The following PSTPIP2 variants were observed in gnomAD, a reference collection of about 807,000 sequenced individuals.
The protein encoded by PSTPIP2 is proline-serine-threonine phosphatase interacting protein 2, also known as proline-serine-threonine phosphatase-interacting protein 2.
In PSTPIP2, 33 loss-of-function variants were observed where a neutral mutation model predicts 63.3. That is an observed-to-expected ratio of 0.52 (90% CI 0.40 to 0.70). PSTPIP2 has a LOEUF of 0.70. Ranked by LOEUF, PSTPIP2 falls within the 30% of genes least tolerant of loss-of-function variation. The pLI is 0.00. For missense variants in PSTPIP2, 312 were observed against 400.7 expected (o/e 0.78, Z 1.89); for synonymous variants, 125 against 132.7 (o/e 0.94, Z 0.40).
At chr18:46,031,992 G>A (rs971870905) in intron 2 of PSTPIP2, among the ~76,000 whole-genome samples, 9 of 152,152 alleles carry the variant, frequency 5.9e-5, no homozygotes, top group African/African-American at 1.4e-4. Flanking sequence ...GTATTTCCCC[G>A]TAAATGGGAA....
At chr18:46,010,982 T>C (rs2051789012) in intron 5 of PSTPIP2, 199 bp downstream of exon 5, 2 of 530,188 alleles carry the variant, frequency 3.8e-6, no homozygotes, top group East Asian at 3.0e-5. Flanking sequence ...ATGTGAACTT[T>C]AAAAAAGGAC....
chr18:46,056,175 C>T (rs1908748742), intron 1 of PSTPIP2, among the ~76,000 whole-genome samples: 1 of 152,298 alleles, frequency 6.6e-6, no homozygotes, highest in East Asian at 1.9e-4. Flanking sequence ...GGTGGTCCCT[C>T]GGCAATGTAG....
At chr18:45,985,780 A>ATTTTT (rs532775826) in intron 14 of PSTPIP2, among the ~76,000 whole-genome samples, 9 of 147,502 alleles carry the variant, frequency 6.1e-5, no homozygotes, top group Admixed American at 6.7e-5. Flanking sequence ...TCTTGTTTAA[A>ATTTTT]TTTTTTTTTT....
chr18:46,066,703 C>T (rs1329447777), intron 1 of PSTPIP2, among the ~76,000 whole-genome samples: 1 of 152,148 alleles, frequency 6.6e-6, no homozygotes, highest in Non-Finnish European at 1.5e-5. Flanking sequence ...CATGCAAGAC[C>T]ACCAGCCAGT....
intron 9 of PSTPIP2, among the ~76,000 whole-genome samples, chr18:45,995,781 G>A (rs980697545): frequency 6.6e-6 from 1 of 152,080 alleles, no homozygotes; most frequent in African/African-American, 2.4e-5. Context: ...AGTAGGGGTC[G>A]TAGATAGAAA....
chr18:45,995,734 C>A (rs570368441), intron 9 of PSTPIP2, among the ~76,000 whole-genome samples: 29 of 152,254 alleles, frequency 1.9e-4, no homozygotes, highest in Admixed American at 3.9e-4. Context: ...TGGAGACAGC[C>A]CCTTCAAAAA....
chr18:45,992,595 G>C (rs902552402), intron 10 of PSTPIP2, among the ~76,000 whole-genome samples: 28 of 151,754 alleles, frequency 1.8e-4, no homozygotes, highest in Admixed American at 1.2e-3. Context: ...AAAAACATGG[G>C]TTTGATAGAG....
intron 1 of PSTPIP2, among the ~76,000 whole-genome samples, chr18:46,047,062 T>C (rs1908408088): frequency 6.6e-6 from 1 of 152,232 alleles, no homozygotes. Flanking sequence ...TTCCAACCAC[T>C]ATGAAAAATT....
intron 1 of PSTPIP2, among the ~76,000 whole-genome samples, chr18:46,055,557 G>A (rs1381939271): frequency 6.6e-6 from 1 of 152,090 alleles, no homozygotes; most frequent in Non-Finnish European, 1.5e-5. Context: ...AGGCTCAAGC[G>A]AGCTGCCTGC....
chr18:46,021,757 C>A (rs1389103245), intron 3 of PSTPIP2, among the ~76,000 whole-genome samples: 1 of 146,408 alleles, frequency 6.8e-6, no homozygotes, highest in Non-Finnish European at 1.5e-5. Flanking sequence ...ACCAGCCTGA[C>A]CAACGTGGTA....
intron 3 of PSTPIP2, among the ~76,000 whole-genome samples, chr18:46,018,570 T>C (rs1395921967): frequency 1.3e-5 from 2 of 152,176 alleles, no homozygotes; most frequent in African/African-American, 2.4e-5. Context: ...GGTTTTTCCA[T>C]GTTGACCAGG....
chr18:46,069,937 C>A (rs1415411479), intron 1 of PSTPIP2, among the ~76,000 whole-genome samples: 1 of 152,164 alleles, frequency 6.6e-6, no homozygotes, highest in Non-Finnish European at 1.5e-5. Context: ...TACTTGTCAC[C>A]TCTACTGCTG....
intron 4 of PSTPIP2, among the ~76,000 whole-genome samples, chr18:46,014,936 T>C (rs553077917): frequency 6.6e-6 from 1 of 152,102 alleles, no homozygotes; most frequent in Non-Finnish European, 1.5e-5. Context: ...GGGATGAGGA[T>C]GTTTTTCTAG....
At chr18:46,045,611 T>C (rs971067998) in intron 1 of PSTPIP2, among the ~76,000 whole-genome samples, 18 of 152,074 alleles carry the variant, frequency 1.2e-4, no homozygotes, top group Admixed American at 9.2e-4. Flanking sequence ...TGTATACATA[T>C]GTAACTAACC....
intron 3 of PSTPIP2, among the ~76,000 whole-genome samples, chr18:46,023,463 G>C (rs1027098594): frequency 2.0e-5 from 3 of 152,228 alleles, no homozygotes; most frequent in Admixed American, 2.0e-4. Context: ...GTAAGCTGAG[G>C]CAGGATAATT....
chr18:46,024,095 G>A (rs558204736), intron 3 of PSTPIP2, among the ~76,000 whole-genome samples: 4 of 151,800 alleles, frequency 2.6e-5, no homozygotes, highest in South Asian at 4.2e-4. Context: ...ACAGTGACAC[G>A]CGCCTGTATT....
chr18:46,005,339 C>G (rs1321272451), intron 6 of PSTPIP2, 130 bp downstream of exon 6: 9 of 760,896 alleles, frequency 1.2e-5, no homozygotes, highest in African/African-American at 1.8e-5. Context: ...AGGTTGTTTT[C>G]CCTAAAACAC....
chr18:46,039,865 A>G (rs1299871906), intron 2 of PSTPIP2, 82 bp downstream of exon 2: 1 of 1,229,934 alleles, frequency 8.1e-7, no homozygotes, highest in Non-Finnish European at 1.2e-6. Flanking sequence ...ATTAAACACA[A>G]ATGAAAAAAA....
At chr18:46,015,838 T>C in intron 4 of PSTPIP2, 65 bp downstream of exon 4, 1 of 1,530,128 alleles carries the variant, frequency 6.5e-7, no homozygotes, top group East Asian at 2.4e-5. Flanking sequence ...AAAACACACC[T>C]TTGACGACAG....
Sources: allele counts gnomAD v4.1 joint callset (sites outside exome capture counted in the v4.1 genomes callset), GRCh38; gene constraint gnomAD v4.1.1; transcripts MANE v1.5; gene names NCBI Gene and HGNC (gene_info 2026-07-23, HGNC 2026-07-21).